Variants in FSTL4 observed in about 807,000 individuals in gnomAD.
FSTL4 encodes follistatin-related protein 4.
In FSTL4, 28 loss-of-function variants were observed where a neutral mutation model predicts 78.2. The ratio of observed to expected loss-of-function variants is 0.36; its 90% CI spans 0.27 to 0.49. FSTL4 has a LOEUF of 0.49. Ranked by LOEUF, FSTL4 falls within the 20% of genes least tolerant of loss-of-function variation. The pLI is 0.98. For missense variants in FSTL4, 922 were observed against 1,084.9 expected (o/e 0.85, Z 2.11); for synonymous variants, 422 against 440.5 (o/e 0.96, Z 0.53).
At chr5:133,741,832 C>T in the FSTL4 span, among the ~76,000 whole-genome samples, 6 of 152,172 alleles carry the variant, frequency 3.9e-5, no homozygotes, top group African/African-American at 9.7e-5. Context: ...CTCTCATGAC[C>T]GAGGGCAGTG....
At chr5:133,791,273 TGC>T in the FSTL4 span, among the ~76,000 whole-genome samples, 27 of 142,098 alleles carry the variant, frequency 1.9e-4, no homozygotes, top group East Asian at 6.2e-4. Context: ...CATGCACATG[TGC>T]GTGCACACAC....
At chr5:133,747,227 CA>C in the FSTL4 span, among the ~76,000 whole-genome samples, 22 of 152,296 alleles carry the variant, frequency 1.4e-4, no homozygotes, top group Admixed American at 9.1e-4. Flanking sequence ...ACCAAGGGCA[CA>C]GGGGCAGATC....
At chr5:133,592,916 T>A (rs1031294127) in intron 2 of FSTL4, among the ~76,000 whole-genome samples, 18 of 152,270 alleles carry the variant, frequency 1.2e-4, no homozygotes, top group Middle Eastern at 3.4e-3. Context: ...ATTACCAGAC[T>A]CAGCTATTCC....
chr5:133,779,518 G>A, the FSTL4 span, among the ~76,000 whole-genome samples: 6 of 152,038 alleles, frequency 3.9e-5, no homozygotes, highest in East Asian at 5.8e-4. Context: ...CCTGGGAGGC[G>A]GAGGTTGCAG....
At chr5:133,332,013 C>T (rs56223626) in intron 4 of FSTL4, among the ~76,000 whole-genome samples, 3 of 152,128 alleles carry the variant, frequency 2.0e-5, no homozygotes, top group East Asian at 3.9e-4. Context: ...TGAGCTGATG[C>T]GCAGGCTGTG....
the FSTL4 span, among the ~76,000 whole-genome samples, chr5:133,725,584 CT>C: frequency 5.9e-5 from 9 of 152,170 alleles, no homozygotes; most frequent in Admixed American, 5.2e-4. Flanking sequence ...CTTCTCACCT[CT>C]GGGTGAGTTG....
the FSTL4 span, among the ~76,000 whole-genome samples, chr5:133,659,706 T>C: frequency 2.0e-5 from 3 of 151,940 alleles, no homozygotes; most frequent in Non-Finnish European, 4.4e-5. Context: ...CTTTCTTATA[T>C]TCTATTAAAT....
intron 3 of FSTL4, among the ~76,000 whole-genome samples, chr5:133,465,484 C>T (rs1485487551): frequency 6.6e-6 from 1 of 152,240 alleles, no homozygotes; most frequent in African/African-American, 2.4e-5. Context: ...CACGAAGCCC[C>T]AAGCAGGGTG....
the FSTL4 span, among the ~76,000 whole-genome samples, chr5:133,773,400 T>C: frequency 6.6e-6 from 1 of 152,188 alleles, no homozygotes; most frequent in East Asian, 1.9e-4. Context: ...ATTGCAAATA[T>C]GGGTTTCCTT....
rs1477825238 is a variant in FSTL4 at position 133,233,621 on chromosome 5, T to C, written c.895-84A>G. 2.0e-6 allele frequency: 3 copies of C among 1,529,510 alleles called. No individual in the cohort carries two copies. The African/African-American group carries it at 4.1e-5, about 21-fold the overall frequency. The allele number at this position is 1,529,510 out of a possible 1,614,324, so 94.7% of individuals were successfully genotyped here. ...TAGCTGTCTCCTGGTTTTCCAGAAA[T>C]CCTGCAGCTGGGAGAGAGTTCCTTT... On this transcript the variant is annotated intron_variant, in intron 7 of 15. Coordinates refer to ENST00000265342, the MANE Select transcript of FSTL4 (RefSeq NM_015082.2).
At chr5:133,443,326 G>A (rs571628808) in intron 3 of FSTL4, among the ~76,000 whole-genome samples, 50 of 152,354 alleles carry the variant, frequency 3.3e-4, no homozygotes, top group African/African-American at 1.2e-3. Flanking sequence ...CAACATTTAA[G>A]GATTCCCATC....
chr5:133,302,328 C>A (rs1256838238), intron 6 of FSTL4, among the ~76,000 whole-genome samples: 1 of 152,150 alleles, frequency 6.6e-6, no homozygotes, highest in African/African-American at 2.4e-5. Context: ...CCTTTCTCTT[C>A]CTGCTTATCA....
chr5:133,595,134 G>A (rs1054519457), intron 2 of FSTL4, among the ~76,000 whole-genome samples: 2 of 152,244 alleles, frequency 1.3e-5, no homozygotes, highest in Non-Finnish European at 2.9e-5. Context: ...GGCCTCTGCA[G>A]AGGAAACAGT....
chr5:133,562,143 T>C (rs1188789330), intron 3 of FSTL4, among the ~76,000 whole-genome samples: 1 of 152,202 alleles, frequency 6.6e-6, no homozygotes, highest in Non-Finnish European at 1.5e-5. Flanking sequence ...CTCCAGGCAC[T>C]GTCAAATCTG....
chr5:133,563,127 A>G (rs1055005451), intron 3 of FSTL4, among the ~76,000 whole-genome samples: 1 of 152,220 alleles, frequency 6.6e-6, no homozygotes, highest in Non-Finnish European at 1.5e-5. Flanking sequence ...CCAGGGTCAT[A>G]CGGAACTGTC....
At chr5:133,212,392 T>A (rs536559085) in intron 13 of FSTL4, among the ~76,000 whole-genome samples, 91 of 152,350 alleles carry the variant, frequency 6.0e-4, no homozygotes, top group African/African-American at 2.1e-3. Context: ...AGCAAGGCTA[T>A]GGCAGCCAAG....
chr5:133,653,993 TG>T, the FSTL4 span, among the ~76,000 whole-genome samples: 3 of 152,252 alleles, frequency 2.0e-5, no homozygotes, highest in Admixed American at 6.5e-5. Flanking sequence ...CATCGGCTTC[TG>T]TTCTTGCTAT....
the FSTL4 span, among the ~76,000 whole-genome samples, chr5:133,710,818 A>G: frequency 6.6e-6 from 1 of 152,266 alleles, no homozygotes; most frequent in Admixed American, 6.5e-5. Context: ...ATGGCTCAGA[A>G]CATCCTCATC....
At position 133,338,501 on chromosome 5, in the gene FSTL4, C is replaced by T. The variant is rs1172230367; in HGVS notation, c.410-21849G>A. ...GGGACGTGGAGTGGCATAAGCTATA[C>T]AGAAACTTCCCTCTGCTCCCCCATG... On this transcript the variant is annotated intron_variant, in intron 4 of 15. Coordinates refer to ENST00000265342, the MANE Select transcript of FSTL4 (RefSeq NM_015082.2). The surrounding 1 kb of genome is among the most constrained non-coding windows in gnomAD (Gnocchi z 4.0). 5.9e-5 allele frequency among the ~76,000 whole-genome samples: 9 copies of T among 152,250 alleles called. No individual in the cohort carries two copies. Among genetic ancestry groups the T allele is most frequent in the Non-Finnish European group, 8.8e-5 (6 of 68,022 alleles).
Sources: gnomAD v4.1 joint callset for allele counts (sites outside exome capture counted in the v4.1 genomes callset) on GRCh38, gnomAD v4.1.1 for gene constraint, Gnocchi (gnomAD v3.1) non-coding constraint, MANE v1.5 for transcripts, NCBI Gene and HGNC (gene_info 2026-07-23, HGNC 2026-07-21) for gene names.